PTPRG: variants seen among roughly 807,000 people sequenced by gnomAD.
The protein encoded by PTPRG is receptor-type tyrosine-protein phosphatase gamma.
In PTPRG, 102 loss-of-function variants were observed where a neutral mutation model predicts 165.3. The ratio of observed to expected loss-of-function variants is 0.62; its 90% confidence interval spans 0.53 to 0.73. PTPRG has a LOEUF of 0.73. Ranked by LOEUF, PTPRG falls within the 30% of genes least tolerant of loss-of-function variation. The probability of loss-of-function intolerance (pLI) is 0.00; values close to 1 mark genes in which losing one functional copy is unlikely to be tolerated. For synonymous variants in PTPRG, 675 were observed against 669.5 expected (o/e 1.01, Z -0.13); for missense variants, 1,866 against 1,861.4 (o/e 1.00, Z -0.05).
At chr3:62,134,971 T>TA (rs1179340310) in intron 6 of PTPRG, among the ~76,000 whole-genome samples, 6 of 152,026 alleles carry the variant, frequency 3.9e-5, no homozygotes, top group East Asian at 1.9e-4. Flanking sequence ...AATAGTTTTT[T>TA]AAAAAAAACT....
intron 2 of PTPRG, among the ~76,000 whole-genome samples, chr3:61,904,205 C>T (rs987353608): frequency 6.6e-6 from 1 of 152,132 alleles, no homozygotes; most frequent in African/African-American, 2.4e-5. Flanking sequence ...TCATCCGCCT[C>T]AGACTTGCCA....
At position 61,925,007 on chromosome 3, in the gene PTPRG, A is replaced by G. The variant is rs2039172209; in HGVS notation, c.191-64618A>G. Among the ~76,000 whole-genome samples, 4 of 152,312 alleles carry G rather than the reference A, an allele frequency of 2.6e-5. No individual in the cohort carries two copies. The South Asian group carries it at 8.3e-4, about 32-fold the overall frequency. Reference sequence around the variant, plus strand: ...AGGAAGGTTATATTGAAATCTTTGTAAGAACCCCACAGAACACACTGGTCC... The same window carrying G: ...AGGAAGGTTATATTGAAATCTTTGTGAGAACCCCACAGAACACACTGGTCC... On this transcript the variant is annotated intron_variant, in intron 2 of 29. Coordinates refer to ENST00000474889, the MANE Select transcript of PTPRG (RefSeq NM_002841.4).
At chr3:61,569,377 A>T (rs1444770179) in intron 1 of PTPRG, among the ~76,000 whole-genome samples, 1 of 152,246 alleles carries the variant, frequency 6.6e-6, no homozygotes, top group Non-Finnish European at 1.5e-5. Flanking sequence ...TAGAAGCCTA[A>T]CTCCTAAAGT....
chr3:61,720,406 G>A (rs1402420792), intron 1 of PTPRG, among the ~76,000 whole-genome samples: 2 of 152,142 alleles, frequency 1.3e-5, no homozygotes, highest in South Asian at 2.1e-4. Context: ...TTACAGGTGT[G>A]AGCCACCACT....
At chr3:61,876,554 A>C (rs1006799681) in intron 2 of PTPRG, among the ~76,000 whole-genome samples, 1 of 152,192 alleles carries the variant, frequency 6.6e-6, no homozygotes, top group Non-Finnish European at 1.5e-5. Flanking sequence ...AACTTCTCTC[A>C]ATACAAACTT....
chr3:61,896,924 T>C (rs923000168), intron 2 of PTPRG, among the ~76,000 whole-genome samples: 1 of 149,872 alleles, frequency 6.7e-6, no homozygotes, highest in African/African-American at 2.5e-5. Context: ...TTTTTTTCCT[T>C]CTTACTATTA....
intron 2 of PTPRG, among the ~76,000 whole-genome samples, chr3:61,860,228 A>C (rs1362647352): frequency 6.6e-6 from 1 of 152,164 alleles, no homozygotes; most frequent in East Asian, 1.9e-4. Flanking sequence ...TGCACTAAGA[A>C]GGGAATCCTT....
At chr3:61,870,600 C>T (rs552575028) in intron 2 of PTPRG, among the ~76,000 whole-genome samples, 3 of 140,542 alleles carry the variant, frequency 2.1e-5, no homozygotes, top group Middle Eastern at 3.9e-3. Flanking sequence ...AGGCTGGCCT[C>T]GAACTCCTGA....
rs1050458270 is a variant in PTPRG, at chr3:61,924,547, G to A, written c.191-65078G>A. Among the ~76,000 whole-genome samples, 8 of 152,316 alleles carry A rather than the reference G, an allele frequency of 5.3e-5. No individual in the cohort carries two copies. The East Asian group carries it at 7.7e-4, about 15-fold the overall frequency. ...GCACAAATTGTTCAGCATCTCCCACGTGCTGTCACTGTGCTGAGTACTTAC... is the reference window on the plus strand; with the variant it reads ...GCACAAATTGTTCAGCATCTCCCACATGCTGTCACTGTGCTGAGTACTTAC... On this transcript the variant is annotated intron_variant, in intron 2 of 29. Coordinates refer to ENST00000474889, the MANE Select transcript of PTPRG (RefSeq NM_002841.4).
chr3:62,244,210 A>G (rs983852941), intron 15 of PTPRG, among the ~76,000 whole-genome samples: 1 of 152,232 alleles, frequency 6.6e-6, no homozygotes, highest in Non-Finnish European at 1.5e-5. Context: ...TTTAAAGGTG[A>G]TATTTTTCTA....
intron 2 of PTPRG, among the ~76,000 whole-genome samples, chr3:61,966,971 G>C (rs991554942): frequency 2.0e-5 from 3 of 152,214 alleles, no homozygotes; most frequent in African/African-American, 7.2e-5. Context: ...TGAGAAGCAG[G>C]ACTTGTCACA....
intron 1 of PTPRG, among the ~76,000 whole-genome samples, chr3:61,726,656 A>G (rs1433231754): frequency 6.6e-6 from 1 of 152,168 alleles, no homozygotes; most frequent in East Asian, 1.9e-4. Context: ...TTTTGCCATT[A>G]AGGATTATTA....
chr3:62,210,811 A>C lies in PTPRG; in HGVS notation c.2155+6861A>C, dbSNP rs1700340935. 6.6e-6 allele frequency among the ~76,000 whole-genome samples: 1 copy of C among 152,186 alleles called. No homozygotes were observed. ...TCTTTATAACATTTTTTTCTAGCTTACTTTATTGTAAGAATATAGCATATA... is the reference window on the plus strand; with the variant it reads ...TCTTTATAACATTTTTTTCTAGCTTCCTTTATTGTAAGAATATAGCATATA... On this transcript the variant is annotated intron_variant, in intron 12 of 29. Coordinates refer to ENST00000474889, the MANE Select transcript of PTPRG (RefSeq NM_002841.4). This position sits in a 1 kb window ranked among gnomAD's most constrained non-coding sequence, Gnocchi z 4.1.
chr3:61,903,395 A>C (rs2038549630), intron 2 of PTPRG, among the ~76,000 whole-genome samples: 1 of 152,052 alleles, frequency 6.6e-6, no homozygotes, highest in South Asian at 2.1e-4. Flanking sequence ...AGTTTTTGAG[A>C]CGGAGTCTTG....
intron 2 of PTPRG, among the ~76,000 whole-genome samples, chr3:61,905,271 T>G (rs1167062637): frequency 6.6e-6 from 1 of 152,134 alleles, no homozygotes; most frequent in Non-Finnish European, 1.5e-5. Flanking sequence ...AGCTTGACTG[T>G]GATTCCAAGT....
chr3:61,728,875 A>C (rs1240173001), intron 1 of PTPRG, among the ~76,000 whole-genome samples: 2 of 62,318 alleles, frequency 3.2e-5, no homozygotes, highest in Non-Finnish European at 6.0e-5. Context: ...AATCTGTACC[A>C]AAAAAAAAAA....
rs946534505 is a variant in PTPRG, at chr3:62,073,431, G to A, written c.520-4732G>A. On this transcript the variant is annotated intron_variant, in intron 4 of 29. Coordinates refer to ENST00000474889, the MANE Select transcript of PTPRG (RefSeq NM_002841.4). ...GATCAAGATAAATACCTCCAATAGC[G>A]GGATAAACCCGCATAAATGTGCTTG... 2.6e-5 allele frequency among the ~76,000 whole-genome samples: 4 copies of A among 152,248 alleles called. No homozygotes were observed. The East Asian group carries it at 5.8e-4, about 22-fold the overall frequency.
rs1179893905 is a variant in PTPRG, at chr3:62,043,426, T to G, written c.520-34737T>G. ...TGGTCATGTTTATTTTATTAAAGAA[T>G]TTTTATATCTGCCTTGGGATAATGC... On this transcript the variant is annotated intron_variant, in intron 4 of 29. Coordinates refer to ENST00000474889, the MANE Select transcript of PTPRG (RefSeq NM_002841.4). 3.3e-5 allele frequency among the ~76,000 whole-genome samples: 5 copies of G among 152,262 alleles called. No individual in the cohort carries two copies. In the East Asian group the frequency reaches 9.6e-4, roughly 29 times the overall value.
intron 6 of PTPRG, among the ~76,000 whole-genome samples, chr3:62,150,313 G>A (rs1704283109): frequency 6.6e-6 from 1 of 152,220 alleles, no homozygotes; most frequent in South Asian, 2.1e-4. Context: ...AAATCAGAAA[G>A]TGGAAGTGAA....
Sources: gnomAD v4.1 joint callset for allele counts (sites outside exome capture counted in the v4.1 genomes callset) on GRCh38, gnomAD v4.1.1 for gene constraint, Gnocchi (gnomAD v3.1) non-coding constraint, MANE v1.5 for transcripts, NCBI Gene and HGNC (gene_info 2026-07-23, HGNC 2026-07-21) for gene names.